ACOT12: variants seen among roughly 807,000 people sequenced by gnomAD.
ACOT12 encodes the protein acetyl-coenzyme A thioesterase.
ACOT12 carries 51 observed loss-of-function variants against 67.7 expected under a neutral mutation model. The ratio of observed to expected loss-of-function variants is 0.75; its 90% confidence interval spans 0.60 to 0.95. The LOEUF (loss-of-function observed/expected upper bound fraction) is 0.95. ACOT12 is among the 40% of genes least tolerant of loss of function. ACOT12 has a pLI of 0.00. For synonymous variants in ACOT12, 251 were observed against 244.6 expected (o/e 1.03, Z -0.24); for missense variants, 734 against 708.1 (o/e 1.04, Z -0.41).
the ACOT12 span, among the ~76,000 whole-genome samples, chr5:81,315,562 A>G: frequency 2.6e-5 from 4 of 152,238 alleles, no homozygotes; most frequent in African/African-American, 9.6e-5. Flanking sequence ...TTGTTGAATG[A>G]GTTAATTCAA....
rs142134798 is a variant in ACOT12, at chr5:81,383,045, A to C, written c.197+2712T>G. Among the ~76,000 whole-genome samples the C allele has an allele frequency of 3.3e-4, 50 of 152,298 alleles. No homozygotes were observed. In the East Asian group the frequency reaches 7.5e-3, roughly 23 times the overall value. On this transcript the variant is annotated intron_variant, in intron 2 of 14. Transcript: ENST00000307624. Reference sequence around the variant, plus strand: ...CAATATCTAATGACAGAATGGTTGTAGTCTATGATCATTAGATATCATATG... The same window carrying C: ...CAATATCTAATGACAGAATGGTTGTCGTCTATGATCATTAGATATCATATG...
intron 5 of ACOT12, among the ~76,000 whole-genome samples, chr5:81,352,872 C>G (rs771286156): frequency 6.6e-6 from 1 of 152,106 alleles, no homozygotes; most frequent in Non-Finnish European, 1.5e-5. Flanking sequence ...ACTGTGTACC[C>G]ACAGAAATTG....
intron 2 of ACOT12, among the ~76,000 whole-genome samples, chr5:81,384,301 T>C (rs1760669547): frequency 6.6e-6 from 1 of 151,904 alleles, no homozygotes; most frequent in Non-Finnish European, 1.5e-5. Context: ...ATTTTTGTAC[T>C]TTTAGTACAA....
At chr5:81,340,348 T>C (rs1439281308) in intron 11 of ACOT12, among the ~76,000 whole-genome samples, 1 of 150,844 alleles carries the variant, frequency 6.6e-6, no homozygotes, top group East Asian at 1.9e-4. Context: ...GAAAGTATGA[T>C]TGTTTGTTGT....
intron 11 of ACOT12, among the ~76,000 whole-genome samples, chr5:81,339,184 T>C (rs1474680359): frequency 6.6e-6 from 1 of 152,156 alleles, no homozygotes; most frequent in African/African-American, 2.4e-5. Flanking sequence ...AGGGCAAAAG[T>C]GGTTTTTACA....
chr5:81,353,091 C>T (rs7733558), intron 5 of ACOT12, among the ~76,000 whole-genome samples: 5,583 of 150,920 alleles, frequency 0.037, 337 homozygotes, highest in African/African-American at 0.13. Flanking sequence ...AAAGCAGCTC[C>T]TTCTTTTCTG....
the ACOT12 span, chr5:81,311,166 C>G: frequency 6.2e-7 from 1 of 1,607,528 alleles, no homozygotes. Flanking sequence ...TTAAAAACCC[C>G]TTGCAAGTAT....
At chr5:81,343,303 C>T (rs781487603) in intron 10 of ACOT12, among the ~76,000 whole-genome samples, 1 of 152,044 alleles carries the variant, frequency 6.6e-6, no homozygotes, top group Admixed American at 6.5e-5. Context: ...ATCTTGAACC[C>T]TTAATTCAGA....
intron 2 of ACOT12, among the ~76,000 whole-genome samples, chr5:81,373,392 G>A (rs577155073): frequency 2.6e-5 from 4 of 152,278 alleles, no homozygotes; most frequent in South Asian, 2.1e-4. Flanking sequence ...GATTCCCTCC[G>A]GTGCCTAGGC....
At chr5:81,348,956 AG>A (rs1372668598) in intron 5 of ACOT12, among the ~76,000 whole-genome samples, 2 of 152,268 alleles carry the variant, frequency 1.3e-5, no homozygotes, top group Non-Finnish European at 2.9e-5. Context: ...GCTGCAAAGC[AG>A]TAAAATGTAT....
intron 5 of ACOT12, among the ~76,000 whole-genome samples, chr5:81,352,654 T>G (rs1024038602): frequency 2.6e-5 from 4 of 151,984 alleles, no homozygotes; most frequent in Non-Finnish European, 5.9e-5. Context: ...AAAATATAGT[T>G]AGAAAGAATG....
the ACOT12 span, chr5:81,311,354 A>G: frequency 4.5e-5 from 65 of 1,432,594 alleles, no homozygotes; most frequent in South Asian, 2.2e-4. Context: ...CTTGTTATTA[A>G]TAACTCAATT....
At chr5:81,379,227 AG>A (rs1339262095) in intron 2 of ACOT12, among the ~76,000 whole-genome samples, 1 of 151,810 alleles carries the variant, frequency 6.6e-6, no homozygotes, top group Admixed American at 6.6e-5. Context: ...AACTAACACA[AG>A]AACAGAAAAC....
intron 11 of ACOT12, among the ~76,000 whole-genome samples, chr5:81,336,651 C>T (rs1759012913): frequency 6.6e-6 from 1 of 152,126 alleles, no homozygotes; most frequent in African/African-American, 2.4e-5. Context: ...GTGTGTTCAG[C>T]TAAGAACACA....
intron 10 of ACOT12, 78 bp from the exon 11 acceptor site, chr5:81,342,833 A>T: frequency 6.8e-7 from 1 of 1,465,324 alleles, no homozygotes; most frequent in Non-Finnish European, 9.5e-7. Context: ...TGCTTAAAAA[A>T]TGGGCACTGT....
chr5:81,355,705 A>G (rs1417616326), intron 5 of ACOT12, among the ~76,000 whole-genome samples: 2 of 152,228 alleles, frequency 1.3e-5, no homozygotes, highest in Non-Finnish European at 2.9e-5. Flanking sequence ...CTTTAGGAGT[A>G]AGTCCGGTGG....
At chr5:81,327,223 T>C (rs988156259), downstream of ACOT12, among the ~76,000 whole-genome samples, 10 of 144,156 alleles carry the variant, frequency 6.9e-5, no homozygotes, top group African/African-American at 2.4e-4. Flanking sequence ...CACACACACA[T>C]ATATATACAT....
chr5:81,371,062 T>C (rs1299581131), intron 3 of ACOT12, among the ~76,000 whole-genome samples: 1 of 152,182 alleles, frequency 6.6e-6, no homozygotes, highest in Non-Finnish European at 1.5e-5. Flanking sequence ...ATGGGACTAG[T>C]TTCTGTCAGA....
chr5:81,356,018 T>C (rs1409371043), intron 5 of ACOT12, among the ~76,000 whole-genome samples: 3 of 152,194 alleles, frequency 2.0e-5, no homozygotes, highest in Non-Finnish European at 1.5e-5. Context: ...CTCGGGCTGT[T>C]GGGGCCATGA....
Sources: gnomAD v4.1 joint callset for allele counts (sites outside exome capture counted in the v4.1 genomes callset) on GRCh38, gnomAD v4.1.1 for gene constraint, MANE v1.5 for transcripts, NCBI Gene and HGNC (gene_info 2026-07-23, HGNC 2026-07-21) for gene names.